Variants in ANO6 observed in about 807,000 individuals in gnomAD.
The protein encoded by ANO6 is anoctamin-6.
Under a neutral mutation model 117.5 loss-of-function variants are expected in ANO6, and 106 were observed. That is an observed-to-expected ratio of 0.90 (90% CI 0.77 to 1.06). The LOEUF is 1.06. ANO6 is among the 50% of genes least tolerant of loss of function. The pLI, the probability that ANO6 is intolerant of heterozygous loss-of-function variation, is 0.00. For missense variants in ANO6, 955 were observed against 1,121.1 expected (o/e 0.85, Z 2.12); for synonymous variants, 367 against 385.1 (o/e 0.95, Z 0.55).
At chr12:45,296,900 CATT>C (rs1167299901) in intron 1 of ANO6, among the ~76,000 whole-genome samples, 1 of 152,196 alleles carries the variant, frequency 6.6e-6, no homozygotes, top group Non-Finnish European at 1.5e-5. Context: ...GACTTCATAT[CATT>C]GAGTCTGTTA....
chr12:45,388,218 A>T lies in ANO6; in HGVS notation c.1223A>T (p.Asp408Val). Reference protein sequence around the residue: ...RRQAELEYEWDTVELQQEEQA... With the variant: ...RRQAELEYEWVTVELQQEEQA... ...CAGGCAGAACTTGAGTATGAATGGG[A>T]TACTGTTGAGTTACAGCAGGAAGAA... is the stretch of plus-strand genomic sequence containing the variant. Residue 408 changes from aspartate to valine, a missense_variant, in exon 11 of 20, where the codon GAT (aspartate) becomes GTT (valine). By Grantham distance (152) the Asp-to-Val change is radical. Coordinates refer to ENST00000320560, the MANE Select transcript of ANO6 (RefSeq NM_001025356.3). 1 of 1,614,114 alleles carries T rather than the reference A, an allele frequency of 6.2e-7. No homozygotes were observed. Among genetic ancestry groups the T allele is most frequent in the Non-Finnish European group, 8.5e-7 (1 of 1,179,988 alleles).
At chr12:45,330,094 G>A (rs1940612014) in intron 2 of ANO6, among the ~76,000 whole-genome samples, 2 of 152,080 alleles carry the variant, frequency 1.3e-5, no homozygotes, top group South Asian at 2.1e-4. Flanking sequence ...AAATGCACTG[G>A]ATGAAGGTGC....
At chr12:45,363,066 T>C (rs973253776) in intron 8 of ANO6, among the ~76,000 whole-genome samples, 2 of 152,202 alleles carry the variant, frequency 1.3e-5, no homozygotes, top group Admixed American at 6.5e-5. Flanking sequence ...TAGTATAGGT[T>C]AAGTGTTTCT....
rs10652406 is a variant in ANO6 at position 45,226,426 on chromosome 12, G to GAAA, written c.70+10042_70+10044dup. ...TTTTAAAGTACAAATACTTGAAATT[G>GAAA]AAAAAAAAAGGGACATTGGCACTTA... On this transcript the variant is annotated intron_variant, in intron 1 of 19. Transcript: ENST00000320560. Among the ~76,000 whole-genome samples, 804 of 149,954 alleles carry GAAA rather than the reference G, an allele frequency of 5.4e-3. 4 individuals are homozygous for GAAA. The highest frequency in any genetic ancestry group is 6.7e-3 in the Non-Finnish European group (453 of 67,472).
In ANO6 at chr12:45,402,019, C is replaced by T. The variant is rs536008906; in HGVS notation, c.1611C>T (p.Phe537=). 30 of 1,610,918 alleles carry T rather than the reference C, an allele frequency of 1.9e-5. No homozygotes were observed. The South Asian group carries it at 2.0e-4, about 11-fold the overall frequency. The change falls in exon 13 of 20, where the codon TTC becomes TTT. Residue 537 remains phenylalanine (F), a splice_region_variant and synonymous_variant. Coordinates refer to ENST00000320560, the MANE Select transcript of ANO6 (RefSeq NM_001025356.3). ...YEKVAIMITN[F]ELPRTQTDYE... is the part of the protein sequence containing the mutation. ...AAGTGGCAATTATGATTACTAACTT[C>T]GGTAAGGTCCTACTATAGCTTAGGT...
chr12:45,229,475 C>T (rs1472820381), intron 1 of ANO6, among the ~76,000 whole-genome samples: 2 of 151,056 alleles, frequency 1.3e-5, no homozygotes, highest in African/African-American at 2.4e-5. Context: ...CTGCAACCTC[C>T]ACCTCCTGGG....
At chr12:45,376,968 C>T (rs1942042882) in intron 9 of ANO6, among the ~76,000 whole-genome samples, 2 of 151,558 alleles carry the variant, frequency 1.3e-5, no homozygotes, top group Admixed American at 1.3e-4. Flanking sequence ...ATTGAGGGGG[C>T]CTTGAAAATT....
intron 1 of ANO6, among the ~76,000 whole-genome samples, chr12:45,226,592 A>AT (rs144347633): frequency 0.048 from 7,295 of 152,178 alleles, 530 homozygotes; most frequent in African/African-American, 0.16. Context: ...CTAAACTAAG[A>AT]TTTTGTTTAT....
At chr12:45,253,299 GT>G (rs1937691396) in intron 1 of ANO6, among the ~76,000 whole-genome samples, 1 of 152,170 alleles carries the variant, frequency 6.6e-6, no homozygotes, top group African/African-American at 2.4e-5. Flanking sequence ...TCCAGAGCTT[GT>G]TTTTCTCATC....
chr12:45,258,436 A>G (rs1281835733), intron 1 of ANO6, among the ~76,000 whole-genome samples: 1 of 142,362 alleles, frequency 7.0e-6, no homozygotes, highest in Non-Finnish European at 1.6e-5. Flanking sequence ...TACTTTTCTA[A>G]GTAGAAAAGG....
intron 17 of ANO6, among the ~76,000 whole-genome samples, chr12:45,419,002 C>T (rs1252560697): frequency 1.3e-5 from 2 of 152,186 alleles, no homozygotes; most frequent in African/African-American, 2.4e-5. Context: ...CAGTGTGTAT[C>T]TCACAACCTA....
Position 45,285,887 on chromosome 12 carries a change from C to T in ANO6, c.71-16127C>T, listed in dbSNP as rs369007268. Among the ~76,000 whole-genome samples the T allele has an allele frequency of 5.1e-4, 77 of 152,284 alleles. 1 individual carries two copies. The South Asian group carries it at 0.015, about 30-fold the overall frequency. On this transcript the variant is annotated intron_variant, in intron 1 of 19. Transcript: ENST00000320560. ...GGCCAGGTGCTTCTTTCTGAGACTCCTCCTCCCCACTGGAGGTCTGAGTTT... is the reference window on the plus strand; with the variant it reads ...GGCCAGGTGCTTCTTTCTGAGACTCTTCCTCCCCACTGGAGGTCTGAGTTT...
Position 45,246,827 on chromosome 12 carries a change from CTG to C in ANO6, c.70+30438_70+30439del, listed in dbSNP as rs987927713. Among the ~76,000 whole-genome samples, 3 of 148,428 alleles carry C rather than the reference CTG, an allele frequency of 2.0e-5. No individual in the cohort carries two copies. The East Asian group carries it at 6.1e-4, about 30-fold the overall frequency. On this transcript the variant is annotated intron_variant, in intron 1 of 19. Coordinates refer to ENST00000320560, the MANE Select transcript of ANO6 (RefSeq NM_001025356.3). ...TTACCCAGGTTGGAGCGCAGTGGCG[CTG>C]TCTCGGCTCATTGCAACCTCCGCCT...
intron 2 of ANO6, chr12:45,313,409 C>A (rs187536201): frequency 6.6e-6 from 1 of 152,094 alleles, no homozygotes. Flanking sequence ...TGCACGGTGA[C>A]TGAGAAACAT....
chr12:45,283,020 A>G (rs986423499), intron 1 of ANO6, among the ~76,000 whole-genome samples: 1 of 152,194 alleles, frequency 6.6e-6, no homozygotes, highest in Non-Finnish European at 1.5e-5. Context: ...GTTACTCCCT[A>G]AAGTAGAAGC....
intron 1 of ANO6, among the ~76,000 whole-genome samples, chr12:45,272,417 G>T (rs576640950): frequency 1.1e-4 from 17 of 152,040 alleles, no homozygotes; most frequent in Non-Finnish European, 2.1e-4. Context: ...CTGCAAATTA[G>T]GATTTATTCT....
At chr12:45,405,346 G>A (rs1942903873) in intron 15 of ANO6, among the ~76,000 whole-genome samples, 1 of 152,136 alleles carries the variant, frequency 6.6e-6, no homozygotes, top group South Asian at 2.1e-4. Context: ...TCCTAAACTG[G>A]AATTGAGAAA....
At chr12:45,297,308 CT>C (rs1434013259) in intron 1 of ANO6, among the ~76,000 whole-genome samples, 1 of 152,172 alleles carries the variant, frequency 6.6e-6, no homozygotes, top group Non-Finnish European at 1.5e-5. Context: ...TTCTGATTAT[CT>C]TTATTCCTAG....
chr12:45,393,247 G>C (rs1427086021), intron 12 of ANO6, among the ~76,000 whole-genome samples: 2 of 152,198 alleles, frequency 1.3e-5, no homozygotes, highest in Non-Finnish European at 2.9e-5. Context: ...AAGGGTATCA[G>C]TGATTGAAGA....
Sources: allele counts gnomAD v4.1 joint callset (sites outside exome capture counted in the v4.1 genomes callset), GRCh38; gene constraint gnomAD v4.1.1; transcripts MANE v1.5; gene names NCBI Gene and HGNC (gene_info 2026-07-23, HGNC 2026-07-21).